GNPTAB: variants seen among roughly 807,000 people sequenced by gnomAD.
The protein encoded by GNPTAB is N-acetylglucosamine-1-phosphotransferase subunits alpha/beta.
A neutral mutation model predicts 136.6 loss-of-function variants in GNPTAB; 92 were observed. The ratio of observed to expected loss-of-function variants is 0.67; its 90% CI spans 0.57 to 0.80. The LOEUF is 0.80. GNPTAB is among the 30% of genes least tolerant of loss of function. GNPTAB has a pLI of 0.00. For synonymous variants in GNPTAB, 512 were observed against 535.1 expected (o/e 0.96, Z 0.60); for missense variants, 1,343 against 1,501.8 (o/e 0.89, Z 1.75).
At position 101,746,017 on chromosome 12, in the gene GNPTAB, G is replaced by C. The variant is rs1256456330; in HGVS notation, c.*1147C>G. On this transcript the variant is annotated 3_prime_UTR_variant, in exon 21 of 21. Coordinates refer to ENST00000299314, the MANE Select transcript of GNPTAB (RefSeq NM_024312.5). ...ACTGCACTCCAGCCTGGGCAACAGA[G>C]AGAGACTCTGTCTCAAAAACAACAA... The C allele has an allele frequency of 6.6e-6, 1 of 152,450 alleles. No homozygotes were observed. The highest frequency in any genetic ancestry group is 1.5e-5 in the Non-Finnish European group (1 of 68,290). 9.4% of individuals were successfully genotyped at this position (152,450 alleles called of 1,614,324 possible).
At chr12:101,758,285 C>T (rs1010024414) in intron 16 of GNPTAB, among the ~76,000 whole-genome samples, 5 of 152,182 alleles carry the variant, frequency 3.3e-5, no homozygotes, top group African/African-American at 9.7e-5. Flanking sequence ...GTGATCCGCC[C>T]GCCTTGGCCT....
intron 19 of GNPTAB, among the ~76,000 whole-genome samples, chr12:101,749,517 T>C (rs1488921013): frequency 1.3e-5 from 2 of 152,248 alleles, no homozygotes; most frequent in African/African-American, 2.4e-5. Context: ...AGTTTCTTGA[T>C]AAATACTTCC....
Position 101,811,731 on chromosome 12 carries a change from C to T in GNPTAB, c.118-14969G>A, listed in dbSNP as rs11111040. On this transcript the variant is annotated intron_variant, in intron 1 of 20. Transcript: ENST00000299314. Reference sequence around the variant, plus strand: ...TCAGCTCACTGCAACCTCTGCCTCCCGGGTTCAAGTGATTCTCTTGCCTCA... The same window carrying T: ...TCAGCTCACTGCAACCTCTGCCTCCTGGGTTCAAGTGATTCTCTTGCCTCA... Among the ~76,000 whole-genome samples the T allele has an allele frequency of 1.0e-3, 159 of 151,470 alleles. 2 individuals carry two copies. In the East Asian group the frequency reaches 0.029, roughly 28 times the overall value.
At chr12:101,790,591 A>G (rs1868927941) in intron 2 of GNPTAB, among the ~76,000 whole-genome samples, 1 of 152,040 alleles carries the variant, frequency 6.6e-6, no homozygotes, top group African/African-American at 2.4e-5. Context: ...CATAGTGAGA[A>G]CCTGTCTCTA....
Position 101,746,204 on chromosome 12 carries a change from T to G in GNPTAB, c.*960A>C, listed in dbSNP as rs1952731795. 6.6e-6 allele frequency: 1 copy of G among 152,158 alleles called. No homozygotes were observed. Among genetic ancestry groups the G allele is most frequent in the Admixed American group, 6.5e-5 (1 of 15,268 alleles). The allele number at this position is 152,158 out of a possible 1,614,324, so 9.4% of individuals were successfully genotyped here. A position where few individuals can be genotyped will look rare whatever the true frequency, so the allele number is the denominator to read the frequency against. On this transcript the variant is annotated 3_prime_UTR_variant, in exon 21 of 21. Coordinates refer to ENST00000299314, the MANE Select transcript of GNPTAB (RefSeq NM_024312.5). ...ACAAACTAAACAACAGCAAGAAGAATGTATGACAAAGACACAGGTGGCCTG... is the reference window on the plus strand; with the variant it reads ...ACAAACTAAACAACAGCAAGAAGAAGGTATGACAAAGACACAGGTGGCCTG...
chr12:101,761,309 C>T lies in GNPTAB; in HGVS notation c.2953G>A (p.Val985Met). 6.2e-7 allele frequency: 1 copy of T among 1,614,090 alleles called. No individual in the cohort carries two copies. The highest frequency in any genetic ancestry group is 2.2e-5 in the East Asian group (1 of 44,876). The change falls in exon 15 of 21, where the codon GTG becomes ATG. Residue 985 changes from valine (V) to methionine (M), a missense_variant. Coordinates refer to ENST00000299314, the MANE Select transcript of GNPTAB (RefSeq NM_024312.5). ...EEFDKTSFHK[V>M]RHSEDMQFAF... ...AACTGCATATCCTCAGAATGGCGCA[C>T]TTTGTGAAATGACGTCTTGTCAAAT...
At chr12:101,823,438 C>T (rs7964861) in intron 1 of GNPTAB, among the ~76,000 whole-genome samples, 2,849 of 151,960 alleles carry the variant, frequency 0.019, 94 homozygotes, top group African/African-American at 0.063. Context: ...GGTGTAACCC[C>T]GTCTCTACTA....
At chr12:101,828,890 T>C (rs535081898) in intron 1 of GNPTAB, among the ~76,000 whole-genome samples, 1 of 152,298 alleles carries the variant, frequency 6.6e-6, no homozygotes, top group African/African-American at 2.4e-5. Flanking sequence ...ATTAAGAGAG[T>C]GCCTGATACC....
At chr12:101,755,382 T>C (rs187769054) in intron 18 of GNPTAB, among the ~76,000 whole-genome samples, 39 of 152,284 alleles carry the variant, frequency 2.6e-4, no homozygotes, top group African/African-American at 8.7e-4. Flanking sequence ...CTGCTTTAAA[T>C]TAAAGGATAC....
intron 15 of GNPTAB, among the ~76,000 whole-genome samples, chr12:101,760,345 CAA>C (rs1952974806): frequency 1.3e-5 from 2 of 152,164 alleles, no homozygotes; most frequent in Admixed American, 1.3e-4. Context: ...ATCTTCATCT[CAA>C]AGAACATTCT....
At chr12:101,788,736 A>G (rs1868814972) in intron 3 of GNPTAB, 147 bp from the exon 4 acceptor site, 5 of 654,916 alleles carry the variant, frequency 7.6e-6, no homozygotes, top group Non-Finnish European at 1.4e-5. Context: ...TGCACTGGGA[A>G]AGTCATATAA....
intron 10 of GNPTAB, among the ~76,000 whole-genome samples, chr12:101,769,530 A>C (rs566066286): frequency 6.6e-6 from 1 of 152,234 alleles, no homozygotes; most frequent in Non-Finnish European, 1.5e-5. Context: ...TAGTGTTCTT[A>C]CTTCTTAATT....
At chr12:101,758,678 G>A (rs959754031) in intron 16 of GNPTAB, among the ~76,000 whole-genome samples, 1 of 152,192 alleles carries the variant, frequency 6.6e-6, no homozygotes, top group Non-Finnish European at 1.5e-5. Flanking sequence ...TAATCTACAC[G>A]TGATAGGCAA....
intron 2 of GNPTAB, 60 bp downstream of exon 2, chr12:101,796,617 G>A (rs768410218): frequency 9.5e-7 from 1 of 1,055,204 alleles, no homozygotes; most frequent in Non-Finnish European, 1.5e-6. Flanking sequence ...TTTACAGGAT[G>A]GCTATTTCAT....
At chr12:101,796,101 T>G in intron 2 of GNPTAB, 1 of 626,836 alleles carries the variant, frequency 1.6e-6, no homozygotes, top group Non-Finnish European at 2.8e-6. Context: ...GCAGCAAGAG[T>G]GACCAATGGA....
chr12:101,759,083 G>A (rs1012664530), intron 16 of GNPTAB, among the ~76,000 whole-genome samples: 3 of 151,938 alleles, frequency 2.0e-5, no homozygotes, highest in Admixed American at 6.6e-5. Flanking sequence ...AGAATTTTTC[G>A]CTGGGTGCAG....
At chr12:101,784,835 C>T (rs1258639577) in intron 5 of GNPTAB, among the ~76,000 whole-genome samples, 4 of 152,104 alleles carry the variant, frequency 2.6e-5, no homozygotes, top group African/African-American at 4.8e-5. Context: ...AAAGGGAACA[C>T]GGCAGCTTTC....
rs1594197145 is a variant in GNPTAB at position 101,746,884 on chromosome 12, T to G, written c.*280A>C. 3 of 381,774 alleles carry G rather than the reference T, an allele frequency of 7.9e-6. No individual in the cohort carries two copies. In the East Asian group the frequency reaches 1.6e-4, roughly 20 times the overall value. The allele number at this position is 381,774 out of a possible 1,614,324, so 23.6% of individuals were successfully genotyped here. A position where few individuals can be genotyped will look rare whatever the true frequency, so the allele number is the denominator to read the frequency against. On this transcript the variant is annotated 3_prime_UTR_variant, in exon 21 of 21. Coordinates refer to ENST00000299314, the MANE Select transcript of GNPTAB (RefSeq NM_024312.5). ...TTGCTGTGGGAAATTAACAGCTGTC[T>G]CTTGTCAGTGAGCCTTTTTATAAAA... is the stretch of plus-strand genomic sequence containing the variant.
At chr12:101,785,705 G>C (rs1266740447) in intron 5 of GNPTAB, 4 of 338,274 alleles carry the variant, frequency 1.2e-5, no homozygotes, top group Non-Finnish European at 2.2e-5. Flanking sequence ...TAGTAGAGGA[G>C]TTATATAGTA....
Sources: allele counts gnomAD v4.1 joint callset (sites outside exome capture counted in the v4.1 genomes callset), GRCh38; gene constraint gnomAD v4.1.1; transcripts MANE v1.5; gene names NCBI Gene and HGNC (gene_info 2026-07-23, HGNC 2026-07-21).